The following MYLK variants were observed in gnomAD, a reference collection of about 807,000 sequenced individuals.
MYLK encodes the protein myosin light chain kinase, smooth muscle.
MYLK carries 106 observed loss-of-function variants against 203.4 expected under a neutral mutation model. That is an observed-to-expected ratio of 0.52 (90% CI 0.45 to 0.61). The LOEUF (loss-of-function observed/expected upper bound fraction) is 0.61, where lower values mean the gene tolerates loss of function less well. MYLK is among the 20% of genes least tolerant of loss of function. The pLI is 0.00. For missense variants in MYLK, 2,072 were observed against 2,442.3 expected, an observed-to-expected ratio of 0.85 and a Z score of 3.20; for synonymous variants, 867 against 959.5, an observed-to-expected ratio of 0.90 and a Z score of 1.78.
intron 5 of MYLK, among the ~76,000 whole-genome samples, chr3:123,741,431 T>A (rs2062853009): frequency 6.6e-6 from 1 of 152,256 alleles, no homozygotes; most frequent in African/African-American, 2.4e-5. Flanking sequence ...TTTTGGTTTT[T>A]GTCATTCCAT....
intron 3 of MYLK, among the ~76,000 whole-genome samples, chr3:123,816,825 T>C (rs1049161458): frequency 1.1e-4 from 16 of 152,196 alleles, no homozygotes; most frequent in African/African-American, 3.1e-4. Flanking sequence ...TCCTGAAGTA[T>C]GGACATTCCA....
intron 5 of MYLK, among the ~76,000 whole-genome samples, chr3:123,750,418 T>G (rs750331737): frequency 1.7e-4 from 26 of 152,146 alleles, no homozygotes; most frequent in Admixed American, 5.9e-4. Flanking sequence ...ATTTTCCTGC[T>G]TGGTCATGAC....
chr3:123,636,176 C>A (rs1442912133), intron 29 of MYLK, among the ~76,000 whole-genome samples: 1 of 152,164 alleles, frequency 6.6e-6, no homozygotes, highest in Non-Finnish European at 1.5e-5. Flanking sequence ...GTAGAGAGAC[C>A]AATTGTCCTG....
chr3:123,789,676 A>AG (rs796308419), intron 4 of MYLK, among the ~76,000 whole-genome samples: 13,656 of 145,568 alleles, frequency 0.094, 912 homozygotes, highest in Non-Finnish European at 0.14. Flanking sequence ...AAAAAAAAAA[A>AG]AAGAAGGAAC....
intron 5 of MYLK, among the ~76,000 whole-genome samples, chr3:123,749,967 G>A (rs1447287994): frequency 6.6e-6 from 1 of 152,248 alleles, no homozygotes; most frequent in African/African-American, 2.4e-5. Flanking sequence ...ACAGAGAGCT[G>A]GAGGGAAGGC....
intron 19 of MYLK, among the ~76,000 whole-genome samples, chr3:123,687,446 C>T (rs538850676): frequency 1.4e-4 from 22 of 152,200 alleles, no homozygotes; most frequent in Non-Finnish European, 7.4e-5. Flanking sequence ...CTCTGTTTGC[C>T]TGAGATGAGG....
rs116743309 is a variant in MYLK at position 123,644,129 on chromosome 3, G to A, written c.4619+3095C>T. Among the ~76,000 whole-genome samples the A allele has an allele frequency of 5.7e-3, 871 of 152,254 alleles. 10 individuals are homozygous for A. Among genetic ancestry groups the A allele is most frequent in the African/African-American group, 0.02 (834 of 41,548 alleles). ...CTGAAGCAACTGGACTTAAGGCAGG[G>A]ACCCTGGAATACATTTCCATTATTC... is the stretch of plus-strand genomic sequence containing the variant. On this transcript the variant is annotated intron_variant, in intron 27 of 33. Coordinates refer to ENST00000360304, the MANE Select transcript of MYLK (RefSeq NM_053025.4).
At chr3:123,677,244 G>A (rs1033114803) in intron 20 of MYLK, among the ~76,000 whole-genome samples, 3 of 152,200 alleles carry the variant, frequency 2.0e-5, no homozygotes, top group Admixed American at 6.5e-5. Flanking sequence ...ACGGGCTGAT[G>A]CTGATGTCAG....
At chr3:123,710,614 C>T (rs953040159) in intron 13 of MYLK, among the ~76,000 whole-genome samples, 1 of 152,200 alleles carries the variant, frequency 6.6e-6, no homozygotes, top group African/African-American at 2.4e-5. Flanking sequence ...GAAAAACTTG[C>T]ATCTCTCATA....
At chr3:123,641,742 C>CCTCCCTCCCTCTCT (rs2058840825) in intron 27 of MYLK, among the ~76,000 whole-genome samples, 1 of 147,036 alleles carries the variant, frequency 6.8e-6, no homozygotes, top group African/African-American at 2.7e-5. Context: ...GCCTGCCTTC[C>CCTCCCTCCCTCTCT]TCCCTCCGTC....
intron 4 of MYLK, among the ~76,000 whole-genome samples, chr3:123,793,315 A>T (rs1469143891): frequency 1.3e-5 from 2 of 152,230 alleles, no homozygotes; most frequent in Non-Finnish European, 2.9e-5. Context: ...ATTACAGTCA[A>T]TTCTCAACTG....
At chr3:123,728,666 G>C (rs2062378157) in intron 11 of MYLK, among the ~76,000 whole-genome samples, 1 of 152,106 alleles carries the variant, frequency 6.6e-6, no homozygotes, top group South Asian at 2.1e-4. Context: ...TTTCACTCTT[G>C]TGCCCCTTGC....
At chr3:123,835,992 C>CTAT (rs1171808296) in intron 2 of MYLK, 1 of 152,168 alleles carries the variant, frequency 6.6e-6, no homozygotes, top group African/African-American at 2.4e-5. Flanking sequence ...CCTACTCAGT[C>CTAT]TATTAGCATT....
At chr3:123,853,581 G>A (rs1009316165) in intron 2 of MYLK, among the ~76,000 whole-genome samples, 1 of 152,062 alleles carries the variant, frequency 6.6e-6, no homozygotes, top group Non-Finnish European at 1.5e-5. Flanking sequence ...TATCCTGCCC[G>A]TCTCACCACT....
At chr3:123,815,982 A>G (rs1347586564) in intron 3 of MYLK, among the ~76,000 whole-genome samples, 1 of 152,252 alleles carries the variant, frequency 6.6e-6, no homozygotes, top group Non-Finnish European at 1.5e-5. Flanking sequence ...CAGATTCTGC[A>G]GATCAAGGCC....
chr3:123,883,848 C>T (rs1484899060), intron 1 of MYLK, among the ~76,000 whole-genome samples: 1 of 152,160 alleles, frequency 6.6e-6, no homozygotes, highest in Non-Finnish European at 1.5e-5. Context: ...TCACGTGGCA[C>T]CCCCTTCCCA....
chr3:123,643,952 A>C (rs1055463852), intron 27 of MYLK, among the ~76,000 whole-genome samples: 1 of 152,250 alleles, frequency 6.6e-6, no homozygotes, highest in South Asian at 2.1e-4. Context: ...AACCACCTGG[A>C]ATGTCCCAAG....
intron 2 of MYLK, among the ~76,000 whole-genome samples, chr3:123,865,548 T>A (rs1443048185): frequency 6.6e-6 from 1 of 152,208 alleles, no homozygotes; most frequent in East Asian, 1.9e-4. Flanking sequence ...ACTTATTGTG[T>A]GCCAGATAAT....
At chr3:123,877,977 G>A (rs2033269230) in intron 1 of MYLK, among the ~76,000 whole-genome samples, 1 of 152,210 alleles carries the variant, frequency 6.6e-6, no homozygotes, top group Non-Finnish European at 1.5e-5. Context: ...GAAGTGAGGT[G>A]AATGAGTGGA....
Sources: gnomAD v4.1 joint callset for allele counts (sites outside exome capture counted in the v4.1 genomes callset) on GRCh38, gnomAD v4.1.1 for gene constraint, MANE v1.5 for transcripts, NCBI Gene and HGNC (gene_info 2026-07-23, HGNC 2026-07-21) for gene names.